Variants in PCDHA2 observed in about 807,000 individuals in gnomAD.
PCDHA2 encodes the protein protocadherin alpha 2, also known as protocadherin alpha-2.
PCDHA2 carries 58 observed loss-of-function variants against 66.0 expected under a neutral mutation model. The ratio of observed to expected loss-of-function variants is 0.88; its 90% CI spans 0.71 to 1.09. The LOEUF is 1.09. PCDHA2 is among the 50% of genes least tolerant of loss of function. The pLI is 0.00. For missense variants in PCDHA2, 1,267 were observed against 1,242.3 expected (o/e 1.02, Z -0.30); for synonymous variants, 634 against 554.0 (o/e 1.14, Z -2.03).
At chr5:140,822,822 G>A (rs2150119686) in intron 1 of PCDHA2, 2 of 1,614,028 alleles carry the variant, frequency 1.2e-6, no homozygotes, top group African/African-American at 1.3e-5. Context: ...CCCCAGAGAT[G>A]GCCATAACCA....
intron 1 of PCDHA2, among the ~76,000 whole-genome samples, chr5:140,892,427 C>T (rs1429226685): frequency 6.6e-6 from 1 of 152,170 alleles, no homozygotes; most frequent in Admixed American, 6.5e-5. Flanking sequence ...GATAAAACCT[C>T]ATTATCTAAA....
rs185057371 is a variant in PCDHA2, at chr5:140,832,952, A to T, written c.2388+35600A>T. Among the ~76,000 whole-genome samples, 141 of 152,318 alleles carry T rather than the reference A, an allele frequency of 9.3e-4. 1 individual carries two copies. Among genetic ancestry groups the T allele is most frequent in the African/African-American group, 3.3e-3 (136 of 41,588 alleles). Reference sequence around the variant, plus strand: ...TGAGAAGAGAGTAACTTAAGTGAGTATACAGAAAATTCCAAATGTACCTAG... The same window carrying T: ...TGAGAAGAGAGTAACTTAAGTGAGTTTACAGAAAATTCCAAATGTACCTAG... On this transcript the variant is annotated intron_variant, in intron 1 of 3. Coordinates refer to ENST00000526136, the MANE Select transcript of PCDHA2 (RefSeq NM_018905.3).
Position 140,850,531 on chromosome 5 carries a change from C to T in PCDHA2, c.2388+53179C>T, listed in dbSNP as rs2150488289. 32 of 1,598,158 alleles carry T rather than the reference C, an allele frequency of 2.0e-5. 1 individual carries two copies. The East Asian group carries it at 2.5e-4, about 12-fold the overall frequency. On this transcript the variant is annotated intron_variant, in intron 1 of 3. Coordinates refer to ENST00000526136, the MANE Select transcript of PCDHA2 (RefSeq NM_018905.3). ...GAGAGCGGCCAGGCGCCAAAGTCAT[C>T]GTCGCGGGCGTCAGTGGGTGCCACG...
In PCDHA2 at chr5:140,856,840, C is replaced by T. The variant is rs782759448; in HGVS notation, c.2388+59488C>T. On this transcript the variant is annotated intron_variant, in intron 1 of 3. Transcript: ENST00000526136. ...ACCAAACATTAGTAATACGGCTCAA[C>T]GCTTCTGATTCGGATGAAGGAATAA... is the stretch of plus-strand genomic sequence containing the variant. The T allele has an allele frequency of 7.5e-6, 12 of 1,591,778 alleles. 2 individuals are homozygous for T. The highest frequency in any genetic ancestry group is 4.0e-5 in the African/African-American group (3 of 74,140).
chr5:140,828,063 T>C (rs2150150500), intron 1 of PCDHA2: 2 of 1,558,310 alleles, frequency 1.3e-6, no homozygotes, highest in Admixed American at 2.0e-5. Context: ...GAAGATCTTC[T>C]AATGGAAATA....
At chr5:140,964,802 GA>G (rs1187447949) in intron 1 of PCDHA2, among the ~76,000 whole-genome samples, 2 of 151,946 alleles carry the variant, frequency 1.3e-5, no homozygotes, top group African/African-American at 4.8e-5. Context: ...CCCAAGAAAG[GA>G]GACAGGAATA....
In PCDHA2 at chr5:140,848,841, G is replaced by A. The variant is rs2150422504; in HGVS notation, c.2388+51489G>A. The A allele has an allele frequency of 3.6e-5, 57 of 1,590,472 alleles. 1 individual carries two copies. In the African/African-American group the frequency reaches 7.3e-4, roughly 20 times the overall value. On this transcript the variant is annotated intron_variant, in intron 1 of 3. Transcript: ENST00000526136. ...GGTGATCGTAGACAGGCCGCTGCAG[G>A]TTTTCCATGTGGACGTGGAGGTGAA...
chr5:140,842,857 G>A, intron 1 of PCDHA2: 1 of 1,594,002 alleles, frequency 6.3e-7, no homozygotes, highest in East Asian at 2.2e-5. Context: ...CGGTGCACAC[G>A]GAGAGCGGCA....
At chr5:140,834,968 A>AT (rs1347218738) in intron 1 of PCDHA2, 9 of 1,508,864 alleles carry the variant, frequency 6.0e-6, no homozygotes, top group Non-Finnish European at 8.1e-6. Flanking sequence ...TTGGACTTGT[A>AT]TTACGGAAAC....
rs180990865 is a variant in PCDHA2 at position 140,858,241 on chromosome 5, G to C, written c.2388+60889G>C. 1.8e-3 allele frequency: 2,879 copies of C among 1,596,686 alleles called. 210 individuals carry two copies. In the African/African-American group the frequency reaches 0.035, roughly 19 times the overall value. On this transcript the variant is annotated intron_variant, in intron 1 of 3. Coordinates refer to ENST00000526136, the MANE Select transcript of PCDHA2 (RefSeq NM_018905.3). ...CGGCGCCCACCGAGGGCGCATGTGGGCCGGTGAAGCCCACGCTGGTGTGCT... is the reference window on the plus strand; with the variant it reads ...CGGCGCCCACCGAGGGCGCATGTGGCCCGGTGAAGCCCACGCTGGTGTGCT...
intron 1 of PCDHA2, chr5:140,829,180 T>C: frequency 1.2e-6 from 2 of 1,614,192 alleles, no homozygotes; most frequent in Non-Finnish European, 1.7e-6. Flanking sequence ...GTGAAGACGC[T>C]CAATTTGGTA....
intron 1 of PCDHA2, among the ~76,000 whole-genome samples, chr5:140,881,102 T>C (rs1470850677): frequency 1.3e-5 from 2 of 152,230 alleles, no homozygotes; most frequent in African/African-American, 4.8e-5. Flanking sequence ...ATTACACCAT[T>C]TGGCCTGGGA....
chr5:140,899,848 C>T (rs2067590475), intron 1 of PCDHA2, among the ~76,000 whole-genome samples: 1 of 152,178 alleles, frequency 6.6e-6, no homozygotes, highest in Non-Finnish European at 1.5e-5. Flanking sequence ...TGCTGTGTCA[C>T]CCAGGCTGGA....
intron 1 of PCDHA2, chr5:140,808,162 G>A (rs782594853): frequency 8.7e-6 from 14 of 1,614,082 alleles, no homozygotes; most frequent in African/African-American, 2.7e-5. Flanking sequence ...GCATTGATAA[G>A]GGACAGCTCC....
At chr5:140,995,629 T>C (rs1333793289) in intron 3 of PCDHA2, among the ~76,000 whole-genome samples, 1 of 152,164 alleles carries the variant, frequency 6.6e-6, no homozygotes, top group Admixed American at 6.5e-5. Context: ...TTGGAAACTT[T>C]GGAGTGTTTA....
At chr5:140,856,568 A>C in intron 1 of PCDHA2, 1 of 1,597,928 alleles carries the variant, frequency 6.3e-7, no homozygotes, top group Non-Finnish European at 8.6e-7. Flanking sequence ...ACTCAGTCCA[A>C]ATGAGTATTT....
chr5:140,925,447 T>G (rs2153577798), intron 1 of PCDHA2, among the ~76,000 whole-genome samples: 1 of 152,154 alleles, frequency 6.6e-6, no homozygotes, highest in Non-Finnish European at 1.5e-5. Context: ...AGAATTTGGG[T>G]GTATCTGTTG....
At chr5:140,841,517 G>T (rs2150317250) in intron 1 of PCDHA2, 29 of 1,613,422 alleles carry the variant, frequency 1.8e-5, no homozygotes, top group Non-Finnish European at 2.3e-5. Flanking sequence ...CCTGTTCCGG[G>T]TGGCGTCCAA....
chr5:140,870,325 C>T (rs1554164071), intron 1 of PCDHA2: 1 of 1,614,080 alleles, frequency 6.2e-7, no homozygotes, highest in African/African-American at 1.3e-5. Context: ...CTCGTTGGTG[C>T]TGGACAGCGC....
Sources: allele counts gnomAD v4.1 joint callset (sites outside exome capture counted in the v4.1 genomes callset), GRCh38; gene constraint gnomAD v4.1.1; transcripts MANE v1.5; gene names NCBI Gene and HGNC (gene_info 2026-07-23, HGNC 2026-07-21).